Variants in SLC39A11 observed in about 807,000 individuals in gnomAD.
SLC39A11 encodes the protein solute carrier family 39 member 11.
Under a neutral mutation model 36.1 loss-of-function variants are expected in SLC39A11, and 33 were observed. That is an observed-to-expected ratio of 0.91 (90% CI 0.69 to 1.22). The LOEUF is 1.22. Ranked by LOEUF, SLC39A11 falls within the 50% of genes most tolerant of loss-of-function variation. The pLI is 0.00. For missense variants in SLC39A11, 432 were observed against 430.3 expected (o/e 1.00, Z -0.03); for synonymous variants, 166 against 170.3 (o/e 0.97, Z 0.20).
At chr17:73,038,790 G>GGAGGAGGGAGGGAGGAGGGAA (rs2059013377) in intron 3 of SLC39A11, among the ~76,000 whole-genome samples, 1 of 141,162 alleles carries the variant, frequency 7.1e-6, no homozygotes, top group Non-Finnish European at 1.6e-5. Context: ...GGAGGAGGGA[G>GGAGGAGGGAGGGAGGAGGGAA]GAGGGAGGGA....
intron 6 of SLC39A11, among the ~76,000 whole-genome samples, chr17:72,787,927 T>G (rs2076575383): frequency 6.6e-6 from 1 of 152,176 alleles, no homozygotes; most frequent in Admixed American, 6.5e-5. Context: ...CCCTCTCTGT[T>G]GTAGGTAGAT....
intron 5 of SLC39A11, among the ~76,000 whole-genome samples, chr17:72,914,015 A>AT (rs1246691258): frequency 6.6e-6 from 1 of 151,594 alleles, no homozygotes; most frequent in East Asian, 1.9e-4. Context: ...AATTGAAAGA[A>AT]AAAAAAAGGC....
intron 6 of SLC39A11, among the ~76,000 whole-genome samples, chr17:72,779,433 AAAAAT>A (rs776191998): frequency 2.4e-4 from 31 of 130,402 alleles, no homozygotes; most frequent in Middle Eastern, 3.7e-3. Flanking sequence ...TCAAAAAAAT[AAAAAT>A]AAAATAAAAT....
At chr17:72,867,219 G>T (rs755230007) in intron 5 of SLC39A11, among the ~76,000 whole-genome samples, 1 of 152,168 alleles carries the variant, frequency 6.6e-6, no homozygotes, top group Non-Finnish European at 1.5e-5. Context: ...GTAAAAGGAA[G>T]CCAGGAGTGG....
At chr17:72,650,114 G>A (rs577731805) in intron 7 of SLC39A11, among the ~76,000 whole-genome samples, 3 of 152,340 alleles carry the variant, frequency 2.0e-5, no homozygotes, top group Admixed American at 2.0e-4. Context: ...GACGCTGATG[G>A]TGCCACAGAT....
At chr17:72,990,830 G>A (rs2148290228) in intron 4 of SLC39A11, among the ~76,000 whole-genome samples, 1 of 152,306 alleles carries the variant, frequency 6.6e-6, no homozygotes, top group Non-Finnish European at 1.5e-5. Flanking sequence ...AGTTTAGGCT[G>A]CTTAAGTTAA....
chr17:72,945,015 T>C (rs910365861), intron 5 of SLC39A11, among the ~76,000 whole-genome samples: 6 of 146,970 alleles, frequency 4.1e-5, no homozygotes, highest in Non-Finnish European at 7.4e-5. Flanking sequence ...GATGTCATTA[T>C]ATTTTTAATT....
chr17:72,770,993 TGA>T (rs2075914040), intron 6 of SLC39A11, among the ~76,000 whole-genome samples: 2 of 151,978 alleles, frequency 1.3e-5, no homozygotes, highest in East Asian at 3.9e-4. Flanking sequence ...TGAATCTTAA[TGA>T]TGTTAAAAAG....
intron 4 of SLC39A11, among the ~76,000 whole-genome samples, chr17:72,958,712 G>A (rs1447119379): frequency 6.6e-6 from 1 of 152,080 alleles, no homozygotes; most frequent in Non-Finnish European, 1.5e-5. Context: ...TTAGCCAGGT[G>A]TGATGGCATG....
chr17:72,895,906 T>C (rs2082003597), intron 5 of SLC39A11, among the ~76,000 whole-genome samples: 1 of 152,170 alleles, frequency 6.6e-6, no homozygotes, highest in Non-Finnish European at 1.5e-5. Flanking sequence ...ATATAGATCA[T>C]ACACAAATGG....
intron 5 of SLC39A11, among the ~76,000 whole-genome samples, chr17:72,929,919 A>G (rs995430512): frequency 2.0e-5 from 3 of 152,176 alleles, no homozygotes; most frequent in Non-Finnish European, 2.9e-5. Context: ...GTCTGCCTCA[A>G]TGTACCCAGG....
chr17:72,955,243 G>A (rs1413495362), intron 4 of SLC39A11, among the ~76,000 whole-genome samples: 2 of 144,414 alleles, frequency 1.4e-5, no homozygotes, highest in African/African-American at 5.1e-5. Flanking sequence ...TGGATCAAAT[G>A]TACTCCCTTC....
rs146791424 is a variant in SLC39A11, at chr17:72,848,512, G to A, written c.601+1122C>T. Among the ~76,000 whole-genome samples, 860 of 152,236 alleles carry A rather than the reference G, an allele frequency of 5.6e-3. 5 individuals carry two copies. The highest frequency in any genetic ancestry group is 0.02 in the African/African-American group (820 of 41,526). On this transcript the variant is annotated intron_variant, in intron 6 of 9. Transcript: ENST00000255559. ...AGGCAGGTGGATGACCTGAGGTCAG[G>A]AGTTCAAGACCAGCCTGGCCAACAT...
chr17:73,083,591 G>A (rs1421617296), intron 3 of SLC39A11, among the ~76,000 whole-genome samples: 10 of 152,030 alleles, frequency 6.6e-5, no homozygotes, highest in African/African-American at 2.4e-4. Flanking sequence ...CAAGACTCCA[G>A]GTCTAACTCT....
At chr17:72,748,927 C>A (rs138188399) in intron 6 of SLC39A11, among the ~76,000 whole-genome samples, 2 of 152,324 alleles carry the variant, frequency 1.3e-5, no homozygotes, top group East Asian at 3.9e-4. Flanking sequence ...GGGAGAGGGG[C>A]CAGAAAGGGC....
intron 5 of SLC39A11, among the ~76,000 whole-genome samples, chr17:72,859,533 G>A (rs202012548): frequency 1.3e-5 from 2 of 150,114 alleles, no homozygotes; most frequent in African/African-American, 2.4e-5. Context: ...AGGGACAAGG[G>A]AGACCAGGAC....
chr17:72,701,742 A>G (rs560397088), intron 7 of SLC39A11, among the ~76,000 whole-genome samples: 342 of 150,708 alleles, frequency 2.3e-3, no homozygotes, highest in African/African-American at 7.8e-3. Context: ...AAAAAAAAAA[A>G]AAAAGAAAAA....
At chr17:73,006,035 G>A (rs2148450013) in intron 4 of SLC39A11, among the ~76,000 whole-genome samples, 1 of 152,162 alleles carries the variant, frequency 6.6e-6, no homozygotes, top group South Asian at 2.1e-4. Context: ...TAGAGAGCCT[G>A]GCACCGTGCC....
At chr17:73,005,671 A>G (rs1242956753) in intron 4 of SLC39A11, among the ~76,000 whole-genome samples, 2 of 152,198 alleles carry the variant, frequency 1.3e-5, no homozygotes, top group African/African-American at 4.8e-5. Flanking sequence ...GAGTGACCTC[A>G]GCCATGGTGG....
Sources: allele counts gnomAD v4.1 joint callset (sites outside exome capture counted in the v4.1 genomes callset), GRCh38; gene constraint gnomAD v4.1.1; transcripts MANE v1.5; gene names NCBI Gene and HGNC (gene_info 2026-07-23, HGNC 2026-07-21).